MYO18B: variants seen among roughly 807,000 people sequenced by gnomAD.
MYO18B encodes myosin XVIIIB.
MYO18B carries 204 observed loss-of-function variants against 273.0 expected under a neutral mutation model. The observed-to-expected ratio is 0.75, with a 90% CI of 0.67 to 0.84. MYO18B has a LOEUF of 0.84. MYO18B is among the 40% of genes least tolerant of loss of function. The probability of loss-of-function intolerance (pLI) is 0.00; values close to 1 mark genes in which losing one functional copy is unlikely to be tolerated. For synonymous variants in MYO18B, 1,330 were observed against 1,305.7 expected, an observed-to-expected ratio of 1.02 and a Z score of -0.40; for missense variants, 3,212 against 3,287.6, an observed-to-expected ratio of 0.98 and a Z score of 0.56.
chr22:25,815,315 T>C (rs960021615), intron 12 of MYO18B, among the ~76,000 whole-genome samples: 1 of 152,206 alleles, frequency 6.6e-6, no homozygotes, highest in African/African-American at 2.4e-5. Context: ...AGGCAAGTCG[T>C]GCATAGACTT....
intron 22 of MYO18B, among the ~76,000 whole-genome samples, chr22:25,872,483 A>C (rs867366861): frequency 1.3e-5 from 2 of 152,252 alleles, no homozygotes; most frequent in East Asian, 3.8e-4. Flanking sequence ...TGCCTGAGCC[A>C]GTACATTCCT....
intron 41 of MYO18B, among the ~76,000 whole-genome samples, chr22:26,003,663 C>A (rs946054718): frequency 1.3e-5 from 2 of 152,124 alleles, no homozygotes; most frequent in African/African-American, 4.8e-5. Context: ...ATGCCCCGAC[C>A]TTTATGACCT....
chr22:25,923,341 G>A (rs764218472), intron 34 of MYO18B, among the ~76,000 whole-genome samples: 1 of 152,170 alleles, frequency 6.6e-6, no homozygotes, highest in Non-Finnish European at 1.5e-5. Flanking sequence ...CTGGGTCCTG[G>A]GCAAGCCAGG....
At chr22:25,954,059 G>GC in intron 38 of MYO18B, among the ~76,000 whole-genome samples, 1 of 152,318 alleles carries the variant, frequency 6.6e-6, no homozygotes, top group East Asian at 1.9e-4. Flanking sequence ...AAAGTCCTTA[G>GC]CAGGGGCTTG....
At chr22:25,759,617 A>G (rs970318724) in intron 1 of MYO18B, among the ~76,000 whole-genome samples, 2 of 152,194 alleles carry the variant, frequency 1.3e-5, no homozygotes, top group Non-Finnish European at 2.9e-5. Flanking sequence ...GTGTATACCT[A>G]TGTAACAAAC....
intron 17 of MYO18B, among the ~76,000 whole-genome samples, chr22:25,837,052 T>G (rs2089926539): frequency 6.6e-6 from 1 of 151,918 alleles, no homozygotes; most frequent in African/African-American, 2.4e-5. Flanking sequence ...CAACCCTCTT[T>G]GAGGCCAGGA....
intron 3 of MYO18B, among the ~76,000 whole-genome samples, chr22:25,766,214 T>C (rs972516489): frequency 6.6e-6 from 1 of 152,128 alleles, no homozygotes; most frequent in African/African-American, 2.4e-5. Flanking sequence ...CCTTTGTAGC[T>C]GGGTCACCTT....
chr22:26,018,652 G>T (rs562385580), intron 42 of MYO18B, among the ~76,000 whole-genome samples: 1 of 152,236 alleles, frequency 6.6e-6, no homozygotes, highest in African/African-American at 2.4e-5. Context: ...AACCCACCTC[G>T]TCAAGAAAGG....
chr22:25,903,382 C>T, intron 30 of MYO18B: 1 of 497,124 alleles, frequency 2.0e-6, no homozygotes, highest in Non-Finnish European at 3.6e-6. Flanking sequence ...TGAGATCGAA[C>T]TCTAGGGACA....
At chr22:25,931,981 C>T (rs2092510168) in intron 34 of MYO18B, among the ~76,000 whole-genome samples, 1 of 152,056 alleles carries the variant, frequency 6.6e-6, no homozygotes, top group South Asian at 2.1e-4. Flanking sequence ...AAGCGATCCT[C>T]CAGCCTCAAC....
chr22:25,834,801 T>C (rs551668290), intron 16 of MYO18B, among the ~76,000 whole-genome samples: 73 of 152,330 alleles, frequency 4.8e-4, no homozygotes, highest in African/African-American at 1.7e-3. Context: ...TTCTCTGAAA[T>C]GTTCTTTGAG....
intron 12 of MYO18B, among the ~76,000 whole-genome samples, chr22:25,810,980 A>G (rs1404859672): frequency 6.6e-6 from 1 of 151,484 alleles, no homozygotes; most frequent in Non-Finnish European, 1.5e-5. Flanking sequence ...TAATTTCACT[A>G]CCCTAAACTG....
At chr22:25,822,956 C>G (rs1297302238) in intron 12 of MYO18B, among the ~76,000 whole-genome samples, 1 of 152,144 alleles carries the variant, frequency 6.6e-6, no homozygotes, top group Non-Finnish European at 1.5e-5. Context: ...TTTTTTAACT[C>G]CTAGGGCCGG....
At chr22:25,828,284 C>T (rs2089568749) in intron 14 of MYO18B, among the ~76,000 whole-genome samples, 1 of 152,172 alleles carries the variant, frequency 6.6e-6, no homozygotes, top group African/African-American at 2.4e-5. Context: ...CCACATGTGA[C>T]TGGCTCCAAA....
intron 39 of MYO18B, among the ~76,000 whole-genome samples, chr22:25,978,469 G>A (rs975642450): frequency 1.3e-5 from 2 of 152,184 alleles, no homozygotes; most frequent in Non-Finnish European, 2.9e-5. Context: ...AAGAAAGGGC[G>A]AGTTGGGACA....
intron 18 of MYO18B, among the ~76,000 whole-genome samples, chr22:25,844,095 A>G (rs945194471): frequency 2.0e-5 from 3 of 152,206 alleles, no homozygotes; most frequent in Non-Finnish European, 2.9e-5. Context: ...CCAGCTGAGG[A>G]GAAAAGCTGG....
chr22:25,812,503 G>T (rs1601771299), intron 12 of MYO18B, among the ~76,000 whole-genome samples: 2 of 152,318 alleles, frequency 1.3e-5, no homozygotes, highest in Admixed American at 6.5e-5. Flanking sequence ...GACCCAGCTG[G>T]CTGGGACAGC....
At chr22:25,806,703 C>T (rs995048647) in intron 12 of MYO18B, among the ~76,000 whole-genome samples, 2 of 152,188 alleles carry the variant, frequency 1.3e-5, no homozygotes, top group Non-Finnish European at 2.9e-5. Flanking sequence ...CAAAAAGTGG[C>T]CTGTGGAACC....
At chr22:25,937,992 G>A (rs942853642) in intron 34 of MYO18B, among the ~76,000 whole-genome samples, 1 of 152,204 alleles carries the variant, frequency 6.6e-6, no homozygotes, top group African/African-American at 2.4e-5. Flanking sequence ...TTGAAGGTTG[G>A]TTCTTTCAAG....
Sources: gnomAD v4.1 joint callset for allele counts (sites outside exome capture counted in the v4.1 genomes callset) on GRCh38, gnomAD v4.1.1 for gene constraint, MANE v1.5 for transcripts, NCBI Gene and HGNC (gene_info 2026-07-23, HGNC 2026-07-21) for gene names.